NBEAL1: variants seen among roughly 807,000 people sequenced by gnomAD.
NBEAL1 encodes neurobeachin like 1.
In NBEAL1, 273 loss-of-function variants were observed where a neutral mutation model predicts 351.3. The observed-to-expected ratio is 0.78, with a 90% CI of 0.70 to 0.86. The LOEUF is 0.86. Ranked by LOEUF, NBEAL1 falls within the 40% of genes least tolerant of loss-of-function variation. The pLI is 0.00. For synonymous variants in NBEAL1, 1,050 were observed against 1,086.4 expected, an observed-to-expected ratio of 0.97 and a Z score of 0.66; for missense variants, 2,961 against 3,201.3, an observed-to-expected ratio of 0.92 and a Z score of 1.81.
chr2:203,155,240 C>A (rs1419119232), intron 35 of NBEAL1, among the ~76,000 whole-genome samples: 1 of 77,046 alleles, frequency 1.3e-5, no homozygotes, highest in Non-Finnish European at 2.8e-5. Flanking sequence ...ACAGTAAAAC[C>A]CTCTCTCAAA....
intron 33 of NBEAL1, 148 bp from the exon 34 acceptor site, chr2:203,148,843 A>G: frequency 2.0e-6 from 1 of 495,478 alleles, no homozygotes; most frequent in East Asian, 3.3e-5. Flanking sequence ...AAATGATTCT[A>G]ATGGAATAAG....
chr2:203,175,599 A>C (rs2064475961), intron 42 of NBEAL1, among the ~76,000 whole-genome samples: 1 of 152,204 alleles, frequency 6.6e-6, no homozygotes, highest in Non-Finnish European at 1.5e-5. Context: ...AAACCAATCC[A>C]ATGCCTATGC....
In NBEAL1 at chr2:203,169,712, T is replaced by A. The variant is rs563028538; in HGVS notation, c.5998-35T>A. 488 of 1,177,770 alleles carry A rather than the reference T, an allele frequency of 4.1e-4. 4 individuals carry two copies. The South Asian group carries it at 6.1e-3, about 15-fold the overall frequency. The allele number at this position is 1,177,770 out of a possible 1,614,324, so 73.0% of individuals were successfully genotyped here. A position where few individuals can be genotyped will look rare whatever the true frequency, so the allele number is the denominator to read the frequency against. ...CCATAATCTTCCAAGTTTGTCTTGA[T>A]TCATTTTTAAAGTATAAAATGCTGT... On this transcript the variant is annotated intron_variant, in intron 38 of 55. Coordinates refer to ENST00000683969, the MANE Select transcript of NBEAL1 (RefSeq NM_001378026.1).
chr2:203,149,670 C>T (rs1575046897), intron 34 of NBEAL1, among the ~76,000 whole-genome samples: 1 of 152,208 alleles, frequency 6.6e-6, no homozygotes, highest in East Asian at 1.9e-4. Flanking sequence ...TGTCCAACTT[C>T]ATAACATTTT....
chr2:203,208,514 C>T lies in NBEAL1; in HGVS notation c.7507-123C>T, dbSNP rs536816603. 2.4e-3 allele frequency: 1,616 copies of T among 678,562 alleles called. 11 individuals are homozygous for T. Among genetic ancestry groups the T allele is most frequent in the Non-Finnish European group, 9.0e-4 (340 of 379,838 alleles). The allele number at this position is 678,562 out of a possible 1,614,324, so 42.0% of individuals were successfully genotyped here. ...AAGAATGAGTACTATTATGAATAGA[C>T]TCAGTGGTTGTAACTAGTTGCAATG... On this transcript the variant is annotated intron_variant, in intron 51 of 55. Transcript: ENST00000683969.
At chr2:203,054,397 G>A (rs1208435572) in intron 4 of NBEAL1, among the ~76,000 whole-genome samples, 4 of 151,352 alleles carry the variant, frequency 2.6e-5, no homozygotes, top group African/African-American at 7.3e-5. Context: ...CTGCACTCCA[G>A]CCTGGGTGAC....
chr2:203,094,432 T>G (rs976569685), intron 10 of NBEAL1, among the ~76,000 whole-genome samples: 1 of 152,220 alleles, frequency 6.6e-6, no homozygotes, highest in Non-Finnish European at 1.5e-5. Context: ...CTTTATGTTC[T>G]TTTTATATAG....
chr2:203,115,030 G>A (rs1218008028), intron 17 of NBEAL1, among the ~76,000 whole-genome samples: 2 of 152,134 alleles, frequency 1.3e-5, no homozygotes, highest in Non-Finnish European at 2.9e-5. Flanking sequence ...TGGATTACAG[G>A]CGTGAGCCAC....
At chr2:203,183,577 T>C (rs533172787) in intron 44 of NBEAL1, among the ~76,000 whole-genome samples, 189 bp downstream of exon 44, 1 of 152,236 alleles carries the variant, frequency 6.6e-6, no homozygotes, top group South Asian at 2.1e-4. Context: ...GAGACTATAG[T>C]ATAGTACCAT....
chr2:203,175,241 C>G lies in NBEAL1; in HGVS notation c.6418C>G (p.Arg2140Gly). 6.8e-6 allele frequency: 11 copies of G among 1,613,808 alleles called. No homozygotes were observed. Among genetic ancestry groups the G allele is most frequent in the Non-Finnish European group, 9.3e-6 (11 of 1,179,876 alleles). The change falls in exon 42 of 56, where the codon CGT becomes GGT. Residue 2140 changes from arginine to glycine, a missense_variant. By Grantham distance (125) the Arg-to-Gly change is moderately radical. Transcript: ENST00000683969. ...NSAGVMHYLI[R>G]VEPFTTLHIQ... ...TGCGGGGGTCATGCACTATCTCATTCGTGTAGAACCGTTCACCACCCTCCA... is the reference window on the plus strand; with the variant it reads ...TGCGGGGGTCATGCACTATCTCATTGGTGTAGAACCGTTCACCACCCTCCA...
chr2:203,126,985 G>A, intron 23 of NBEAL1, 59 bp downstream of exon 23: 1 of 1,174,926 alleles, frequency 8.5e-7, no homozygotes, highest in Non-Finnish European at 1.2e-6. Flanking sequence ...CTACTTGATT[G>A]GAATGTGTAG....
chr2:203,132,049 A>G lies in NBEAL1; in HGVS notation c.3641A>G (p.Tyr1214Cys), dbSNP rs761150556. The change falls in exon 26 of 56, where the codon TAC becomes TGC. Residue 1214 changes from tyrosine (Y) to cysteine (C), a missense_variant. Physicochemically the swap from Tyr to Cys is radical, Grantham distance 194. Coordinates refer to ENST00000683969, the MANE Select transcript of NBEAL1 (RefSeq NM_001378026.1). ...KQHIRLREVG[Y>C]SGLGLLLNEA... ...CATATTCGACTCAGAGAAGTTGGCT[A>G]CTCGGGACTGGGACTCCTTCTTAAT... The G allele has an allele frequency of 1.3e-6, 2 of 1,554,566 alleles. No homozygotes were observed. Among genetic ancestry groups the G allele is most frequent in the Non-Finnish European group, 8.7e-7 (1 of 1,147,576 alleles).
chr2:203,066,817 G>A (rs1167559244), intron 6 of NBEAL1, among the ~76,000 whole-genome samples: 1 of 150,264 alleles, frequency 6.7e-6, no homozygotes, highest in African/African-American at 2.5e-5. Flanking sequence ...CCCAGAAGGG[G>A]TGGTTGCCGG....
chr2:203,092,003 C>T (rs1368148857), intron 10 of NBEAL1, among the ~76,000 whole-genome samples: 1 of 152,128 alleles, frequency 6.6e-6, no homozygotes, highest in Non-Finnish European at 1.5e-5. Flanking sequence ...ATTTACTTAA[C>T]TACACCCTGC....
intron 49 of NBEAL1, among the ~76,000 whole-genome samples, chr2:203,200,586 C>T (rs988179233): frequency 6.9e-6 from 1 of 145,306 alleles, no homozygotes; most frequent in African/African-American, 2.6e-5. Context: ...CCAAGCTACT[C>T]GGGGGGCTGA....
chr2:203,046,799 AG>A (rs1336516582), intron 3 of NBEAL1, among the ~76,000 whole-genome samples: 1 of 152,210 alleles, frequency 6.6e-6, no homozygotes. Flanking sequence ...ATTGGGAGTT[AG>A]TTTACAACAT....
intron 4 of NBEAL1, among the ~76,000 whole-genome samples, chr2:203,052,943 A>G (rs2061347220): frequency 6.6e-6 from 1 of 151,936 alleles, no homozygotes; most frequent in Non-Finnish European, 1.5e-5. Context: ...ATAATACTCT[A>G]CTTATGGACA....
chr2:203,077,408 C>T (rs2061795508), intron 7 of NBEAL1, among the ~76,000 whole-genome samples: 1 of 152,056 alleles, frequency 6.6e-6, no homozygotes, highest in South Asian at 2.1e-4. Flanking sequence ...AATTTTATGC[C>T]AGGTTTGGGT....
chr2:203,202,466 T>C (rs1357286827), intron 50 of NBEAL1, among the ~76,000 whole-genome samples: 1 of 152,162 alleles, frequency 6.6e-6, no homozygotes, highest in East Asian at 1.9e-4. Flanking sequence ...CGACTTCTCA[T>C]GCTCAGAGAA....
Sources: gnomAD v4.1 joint callset for allele counts (sites outside exome capture counted in the v4.1 genomes callset) on GRCh38, gnomAD v4.1.1 for gene constraint, MANE v1.5 for transcripts, NCBI Gene and HGNC (gene_info 2026-07-23, HGNC 2026-07-21) for gene names.